The following DPYD variants were observed in gnomAD, a reference collection of about 807,000 sequenced individuals.
The protein encoded by DPYD is dihydropyrimidine dehydrogenase [NADP(+)].
Under a neutral mutation model 116.2 loss-of-function variants are expected in DPYD, and 109 were observed. That is an observed-to-expected ratio of 0.94 (90% confidence interval 0.80 to 1.10). DPYD has a LOEUF of 1.10. Among genes scored for constraint, DPYD ranks in the 50% least tolerant of loss-of-function variants. The probability of loss-of-function intolerance (pLI) is 0.00; values close to 1 mark genes in which losing one functional copy is unlikely to be tolerated. For missense variants in DPYD, 1,302 were observed against 1,254.5 expected, an observed-to-expected ratio of 1.04 and a Z score of -0.57; for synonymous variants, 440 against 432.0, an observed-to-expected ratio of 1.02 and a Z score of -0.23.
chr1:97,474,930 A>G (rs561868250), intron 13 of DPYD, among the ~76,000 whole-genome samples: 8 of 152,174 alleles, frequency 5.3e-5, no homozygotes, highest in African/African-American at 1.4e-4. Context: ...ATTATATCTT[A>G]TATCTATGAA....
rs960296037 is a variant in DPYD, at chr1:97,111,006, T to TA, written c.2623-12375dup. On this transcript the variant is annotated intron_variant, in intron 20 of 22. Transcript: ENST00000370192. ...AACATAGAGAGACCCCATCTCTATT[T>TA]AAAAAAAATAAACAAAACCCCCACT... 5.3e-5 allele frequency among the ~76,000 whole-genome samples: 7 copies of TA among 132,098 alleles called. No individual in the cohort carries two copies. The South Asian group carries it at 1.7e-3, about 31-fold the overall frequency. The allele number at this position is 132,098 out of a possible 152,430, so 86.7% of individuals were successfully genotyped here. A position where few individuals can be genotyped will look rare whatever the true frequency, so the allele number is the denominator to read the frequency against.
chr1:97,574,467 G>A (rs1349872727), intron 10 of DPYD, among the ~76,000 whole-genome samples: 4 of 152,138 alleles, frequency 2.6e-5, no homozygotes, highest in Non-Finnish European at 4.4e-5. Context: ...GAGAAACTCT[G>A]TAGAACTAAG....
chr1:97,524,344 T>C (rs1481036982), intron 12 of DPYD, among the ~76,000 whole-genome samples: 1 of 152,224 alleles, frequency 6.6e-6, no homozygotes, highest in Non-Finnish European at 1.5e-5. Context: ...AGATTATCTA[T>C]TAGTCATGCC....
chr1:97,585,386 G>A (rs1037461431), intron 10 of DPYD, among the ~76,000 whole-genome samples: 4 of 152,288 alleles, frequency 2.6e-5, no homozygotes, highest in South Asian at 4.1e-4. Context: ...ATGAGTTCAC[G>A]TGTAGTAGTT....
intron 21 of DPYD, among the ~76,000 whole-genome samples, chr1:97,091,707 C>T (rs1031032276): frequency 6.6e-6 from 1 of 152,140 alleles, no homozygotes; most frequent in African/African-American, 2.4e-5. Flanking sequence ...AATACTTTCA[C>T]ACATATCTTT....
intron 20 of DPYD, among the ~76,000 whole-genome samples, chr1:97,109,480 T>C (rs1401351554): frequency 6.6e-6 from 1 of 151,958 alleles, no homozygotes; most frequent in Non-Finnish European, 1.5e-5. Context: ...AAAAATTGCC[T>C]TACACAATGG....
chr1:97,799,705 G>A (rs1667755865), intron 3 of DPYD, among the ~76,000 whole-genome samples: 1 of 150,786 alleles, frequency 6.6e-6, no homozygotes, highest in Admixed American at 6.6e-5. Context: ...AGATCTCAAT[G>A]TCTTATCAAA....
At chr1:97,107,092 A>G (rs998083087) in intron 20 of DPYD, among the ~76,000 whole-genome samples, 1 of 152,000 alleles carries the variant, frequency 6.6e-6, no homozygotes, top group Non-Finnish European at 1.5e-5. Flanking sequence ...TCACTCCCAC[A>G]CTGCCTGCTG....
chr1:97,792,720 G>C (rs900904957), intron 3 of DPYD, among the ~76,000 whole-genome samples: 2 of 152,096 alleles, frequency 1.3e-5, no homozygotes, highest in African/African-American at 2.4e-5. Flanking sequence ...GAAAATAAGA[G>C]AATGACACTT....
chr1:97,186,870 TA>T (rs1221653283), intron 20 of DPYD, among the ~76,000 whole-genome samples: 1 of 151,790 alleles, frequency 6.6e-6, no homozygotes, highest in East Asian at 1.9e-4. Flanking sequence ...AAAAATAAAT[TA>T]AAAAAATAAA....
chr1:97,866,516 G>C (rs147037415), intron 2 of DPYD, among the ~76,000 whole-genome samples: 3 of 151,852 alleles, frequency 2.0e-5, no homozygotes, highest in Admixed American at 6.6e-5. Flanking sequence ...AAGTAGCCAC[G>C]AGGTGCCAGG....
At chr1:97,660,258 T>C (rs1253177694) in intron 8 of DPYD, among the ~76,000 whole-genome samples, 1 of 152,122 alleles carries the variant, frequency 6.6e-6, no homozygotes, top group African/African-American at 2.4e-5. Flanking sequence ...TTTATTTATA[T>C]ATGCTTGAAG....
chr1:97,691,768 C>G lies in DPYD; in HGVS notation c.711G>C (p.Pro237=). 6.2e-7 allele frequency: 1 copy of G among 1,613,334 alleles called. No homozygotes were observed. The highest frequency in any genetic ancestry group is 8.5e-7 in the Non-Finnish European group (1 of 1,179,708). ...CAATCTCAAAATTCACTACATCATA[C>G]GGCAGCCGGAACTGAGGAATTTCAG... ...STSEIPQFRL[P]YDVVNFEIEL... The change falls in exon 7 of 23, where the codon CCG becomes CCC. Residue 237 remains proline, a synonymous_variant. Coordinates refer to ENST00000370192, the MANE Select transcript of DPYD (RefSeq NM_000110.4).
intron 8 of DPYD, 56 bp downstream of exon 8, chr1:97,679,039 G>T: frequency 2.4e-6 from 2 of 829,394 alleles, no homozygotes; most frequent in East Asian, 2.9e-5. Context: ...TCTGGATATT[G>T]CTAGGAAATA....
At chr1:97,796,082 G>T (rs925317024) in intron 3 of DPYD, among the ~76,000 whole-genome samples, 2 of 151,940 alleles carry the variant, frequency 1.3e-5, no homozygotes, top group Non-Finnish European at 2.9e-5. Flanking sequence ...ATTCTGTTAG[G>T]TGAATATACT....
chr1:97,325,961 A>T (rs902945517), intron 16 of DPYD, among the ~76,000 whole-genome samples: 1 of 151,732 alleles, frequency 6.6e-6, no homozygotes, highest in Non-Finnish European at 1.5e-5. Context: ...ATAAGAAAAC[A>T]TGGAAGGCCA....
intron 18 of DPYD, among the ~76,000 whole-genome samples, chr1:97,248,882 A>G (rs1439949938): frequency 6.6e-6 from 1 of 152,226 alleles, no homozygotes; most frequent in African/African-American, 2.4e-5. Flanking sequence ...ATAGGAGTAC[A>G]TTTAGAAAAG....
At chr1:97,269,759 C>T (rs1664457471) in intron 18 of DPYD, among the ~76,000 whole-genome samples, 1 of 152,046 alleles carries the variant, frequency 6.6e-6, no homozygotes, top group Non-Finnish European at 1.5e-5. Context: ...ATTAGGGACC[C>T]ACCCTTATGA....
At chr1:97,143,166 A>G (rs1654356043) in intron 20 of DPYD, among the ~76,000 whole-genome samples, 1 of 152,038 alleles carries the variant, frequency 6.6e-6, no homozygotes, top group Non-Finnish European at 1.5e-5. Flanking sequence ...TCTAAGGGCC[A>G]TAATATACTA....
Sources: gnomAD v4.1 joint callset for allele counts (sites outside exome capture counted in the v4.1 genomes callset) on GRCh38, gnomAD v4.1.1 for gene constraint, MANE v1.5 for transcripts, NCBI Gene and HGNC (gene_info 2026-07-23, HGNC 2026-07-21) for gene names.